Variants in SOX5 observed in about 807,000 individuals in gnomAD.
The protein encoded by SOX5 is transcription factor SOX-5.
SOX5 carries 9 observed loss-of-function variants against 92.0 expected under a neutral mutation model. That is an observed-to-expected ratio of 0.10 (90% CI 0.06 to 0.17). The LOEUF is 0.17. Ranked by LOEUF, SOX5 falls within the 10% of genes least tolerant of loss-of-function variation. The pLI is 1.00. For synonymous variants in SOX5, 344 were observed against 336.3 expected (o/e 1.02, Z -0.25); for missense variants, 642 against 944.5 (o/e 0.68, Z 4.20).
chr12:24,041,382 C>T (rs907150311), intron 4 of SOX5, among the ~76,000 whole-genome samples: 1 of 152,010 alleles, frequency 6.6e-6, no homozygotes, highest in African/African-American at 2.4e-5. Flanking sequence ...ATACCATATG[C>T]CAGAAAAATG....
intron 1 of SOX5, among the ~76,000 whole-genome samples, chr12:24,475,433 A>G (rs545311371): frequency 6.6e-6 from 1 of 152,326 alleles, no homozygotes; most frequent in East Asian, 1.9e-4. Context: ...CAGTATCTTA[A>G]GCACATGCAC....
At chr12:24,120,153 A>G (rs1336901702) in intron 4 of SOX5, among the ~76,000 whole-genome samples, 1 of 152,306 alleles carries the variant, frequency 6.6e-6, no homozygotes, top group East Asian at 1.9e-4. Flanking sequence ...TTCGGTGAGC[A>G]TATGTATGTA....
chr12:24,439,244 C>T (rs748391107), intron 1 of SOX5, among the ~76,000 whole-genome samples: 1 of 152,196 alleles, frequency 6.6e-6, no homozygotes, highest in Non-Finnish European at 1.5e-5. Context: ...GGACATAATG[C>T]TATTGTACAC....
At chr12:24,226,759 C>T (rs1387987922) in intron 3 of SOX5, among the ~76,000 whole-genome samples, 1 of 152,184 alleles carries the variant, frequency 6.6e-6, no homozygotes, top group Admixed American at 6.5e-5. Context: ...GCGTGAGCCA[C>T]CACGCCCGGC....
intron 6 of SOX5, among the ~76,000 whole-genome samples, chr12:23,715,110 T>TAAC (rs1402204385): frequency 4.6e-5 from 7 of 151,976 alleles, no homozygotes; most frequent in Admixed American, 4.6e-4. Context: ...CCATCCTGGC[T>TAAC]AACACTGTGA....
chr12:24,330,784 C>CATTT (rs1274120666), intron 2 of SOX5, among the ~76,000 whole-genome samples: 1 of 152,222 alleles, frequency 6.6e-6, no homozygotes, highest in East Asian at 1.9e-4. Flanking sequence ...TAAACACAAT[C>CATTT]ATTTGATTGG....
intron 4 of SOX5, among the ~76,000 whole-genome samples, chr12:24,036,342 C>T (rs750259613): frequency 1.3e-5 from 2 of 152,058 alleles, no homozygotes; most frequent in Non-Finnish European, 2.9e-5. Flanking sequence ...TGCCATTAAA[C>T]ATTCCAACAC....
At chr12:24,487,475 C>A (rs990981215) in intron 1 of SOX5, among the ~76,000 whole-genome samples, 1 of 152,072 alleles carries the variant, frequency 6.6e-6, no homozygotes, top group Non-Finnish European at 1.5e-5. Flanking sequence ...GAGAGACTGG[C>A]TCAACAGGAT....
rs35813329 is a variant in SOX5 at position 24,385,926 on chromosome 12, C to CAAAAAAAA, written c.-250-17295_-250-17288dup. On this transcript the variant is annotated intron_variant, in intron 1 of 4. Coordinates refer to the SOX5 transcript ENST00000446891. ...TGGGCAACAGAGCAAGACCTTGTCA[C>CAAAAAAAA]AAAAAAAAAAAAAAAAAAAGAGAGA... Among the ~76,000 whole-genome samples, 159 of 73,362 alleles carry CAAAAAAAA rather than the reference C, an allele frequency of 2.2e-3. 1 individual carries two copies. The highest frequency in any genetic ancestry group is 8.6e-3 in the African/African-American group (143 of 16,556). The allele number at this position is 73,362 out of a possible 152,430, so 48.1% of individuals were successfully genotyped here. A position where few individuals can be genotyped will look rare whatever the true frequency, so the allele number is the denominator to read the frequency against.
rs1221282184 is a variant in SOX5 at position 23,824,159 on chromosome 12, C to T, written c.481+21824G>A. On this transcript the variant is annotated intron_variant, in intron 3 of 14. Coordinates refer to ENST00000451604, the MANE Select transcript of SOX5 (RefSeq NM_006940.6). Reference sequence around the variant, plus strand: ...TTCTCCATCCAGTTTTGTTCCCTTGCTGGCGAGGAGTTGTGATCCTTTGTA... The same window carrying T: ...TTCTCCATCCAGTTTTGTTCCCTTGTTGGCGAGGAGTTGTGATCCTTTGTA... 3.3e-5 allele frequency among the ~76,000 whole-genome samples: 5 copies of T among 152,310 alleles called. No individual in the cohort carries two copies. The East Asian group carries it at 9.7e-4, about 29-fold the overall frequency.
Position 23,949,590 on chromosome 12 carries a change from G to T in SOX5, c.12C>A (p.Asp4Glu), listed in dbSNP as rs1382784713. ...TTTCAAACTCCTGAGGTAAATCAGGGTCAGTAAGCATGCTGGAAAAGCACA... is the reference window on the plus strand; with the variant it reads ...TTTCAAACTCCTGAGGTAAATCAGGTTCAGTAAGCATGCTGGAAAAGCACA... MLT[D>E]PDLPQEFERM... The change falls in exon 1 of 15, where the codon GAC becomes GAA. Residue 4 changes from aspartate (D) to glutamate (E), a missense_variant. By Grantham distance (45) the Asp-to-Glu change is conservative. This residue lies in a region of SOX5 where 113 missense variants were observed against 117.7 expected (regional missense o/e 0.96). Transcript: ENST00000451604. 9 of 1,612,896 alleles carry T rather than the reference G, an allele frequency of 5.6e-6. No individual in the cohort carries two copies. Among genetic ancestry groups the T allele is most frequent in the Non-Finnish European group, 5.9e-6 (7 of 1,179,054 alleles).
chr12:24,336,942 T>C (rs924748838), intron 2 of SOX5, among the ~76,000 whole-genome samples: 2 of 152,222 alleles, frequency 1.3e-5, no homozygotes, highest in African/African-American at 4.8e-5. Context: ...TAAAACGACC[T>C]GCATTTGCCA....
At chr12:24,399,732 T>G (rs117016831) in intron 1 of SOX5, among the ~76,000 whole-genome samples, 2,126 of 152,344 alleles carry the variant, frequency 0.014, 24 homozygotes, top group Non-Finnish European at 0.025. Flanking sequence ...CAAAGAGCCA[T>G]GGAAACATTA....
chr12:23,916,958 T>G (rs2138648406), intron 1 of SOX5, among the ~76,000 whole-genome samples: 1 of 152,300 alleles, frequency 6.6e-6, no homozygotes, highest in African/African-American at 2.4e-5. Flanking sequence ...AACACACAGC[T>G]CACTACACAC....
intron 2 of SOX5, among the ~76,000 whole-genome samples, chr12:24,366,864 A>G (rs2136225383): frequency 6.6e-6 from 1 of 152,232 alleles, no homozygotes; most frequent in South Asian, 2.1e-4. Context: ...TTTCAATTAA[A>G]TTTACACAAT....
intron 3 of SOX5, among the ~76,000 whole-genome samples, chr12:24,249,601 T>G (rs1182612930): frequency 6.6e-6 from 1 of 152,194 alleles, no homozygotes; most frequent in African/African-American, 2.4e-5. Context: ...CATTTACAGT[T>G]GACAGCTGTC....
intron 9 of SOX5, among the ~76,000 whole-genome samples, chr12:23,589,161 G>T (rs193269889): frequency 5.3e-4 from 81 of 151,938 alleles, no homozygotes; most frequent in African/African-American, 1.8e-3. Flanking sequence ...TGTATGGGTG[G>T]GAAGTTTCTC....
chr12:24,511,774 T>C (rs377250232), intron 1 of SOX5, among the ~76,000 whole-genome samples: 40 of 152,028 alleles, frequency 2.6e-4, no homozygotes, highest in African/African-American at 6.8e-4. Flanking sequence ...CTGGCTAACA[T>C]TGTGAAACCC....
intron 4 of SOX5, among the ~76,000 whole-genome samples, chr12:24,138,604 G>A (rs1468238176): frequency 1.3e-5 from 2 of 151,712 alleles, no homozygotes; most frequent in African/African-American, 4.8e-5. Flanking sequence ...GGTGGGGGAT[G>A]GGTATGGGGA....
Sources: allele counts gnomAD v4.1 joint callset (sites outside exome capture counted in the v4.1 genomes callset), GRCh38; gene constraint gnomAD v4.1.1; regional missense constraint gnomAD v4.1.1; transcripts MANE v1.5; gene names NCBI Gene and HGNC (gene_info 2026-07-23, HGNC 2026-07-21).